The following PARP8 variants were observed in gnomAD, a reference collection of about 807,000 sequenced individuals.
The protein encoded by PARP8 is poly(ADP-ribose) polymerase family member 8.
A neutral mutation model predicts 124.1 loss-of-function variants in PARP8; 51 were observed. The observed-to-expected ratio is 0.41, with a 90% confidence interval of 0.33 to 0.52. PARP8 has a LOEUF of 0.52. Among genes scored for constraint, PARP8 ranks in the 20% least tolerant of loss-of-function variants. PARP8 has a pLI of 0.21. For missense variants in PARP8, 860 were observed against 1,018.9 expected (o/e 0.84, Z 2.12); for synonymous variants, 391 against 361.5 (o/e 1.08, Z -0.93).
chr5:50,735,982 G>C (rs1158401251), intron 2 of PARP8, among the ~76,000 whole-genome samples: 1 of 135,432 alleles, frequency 7.4e-6, no homozygotes, highest in Non-Finnish European at 1.5e-5. Flanking sequence ...ATTAGTGAAT[G>C]TATTCTCATT....
In PARP8 at chr5:50,815,514, C is replaced by G. The variant is rs761028933; in HGVS notation, c.1658C>G (p.Thr553Ser). ...VMNEAADEIA[T>S]GAQVVDLLVS... ...AATGAAGCTGCTGATGAAATAGCAACTGGAGCTCAGGTAGTAACACAGGAT... is the reference window on the plus strand; with the variant it reads ...AATGAAGCTGCTGATGAAATAGCAAGTGGAGCTCAGGTAGTAACACAGGAT... The change falls in exon 15 of 26, where the codon ACT becomes AGT. Residue 553 changes from threonine to serine, a missense_variant. By Grantham distance (58) the Thr-to-Ser change is moderately conservative (BLOSUM62 1). This residue lies in a region of PARP8 where 343 missense variants were observed against 474.7 expected (regional missense o/e 0.72). Coordinates refer to ENST00000281631, the MANE Select transcript of PARP8 (RefSeq NM_024615.4). The G allele has an allele frequency of 6.3e-7, 1 of 1,591,796 alleles. No individual in the cohort carries two copies. Among genetic ancestry groups the G allele is most frequent in the Admixed American group, 1.8e-5 (1 of 56,282 alleles).
chr5:50,831,263 A>G (rs1237266425), intron 22 of PARP8, among the ~76,000 whole-genome samples: 1 of 152,182 alleles, frequency 6.6e-6, no homozygotes, highest in African/African-American at 2.4e-5. Flanking sequence ...GCAAAATAAC[A>G]GCTTCATTAC....
At chr5:50,694,518 A>C (rs991071096) in intron 2 of PARP8, among the ~76,000 whole-genome samples, 1 of 152,204 alleles carries the variant, frequency 6.6e-6, no homozygotes, top group Admixed American at 6.6e-5. Flanking sequence ...AAAGGGTTTC[A>C]GCCCTGCTTT....
chr5:50,711,145 C>T (rs1168856933), intron 2 of PARP8, among the ~76,000 whole-genome samples: 3 of 152,124 alleles, frequency 2.0e-5, no homozygotes, highest in Non-Finnish European at 2.9e-5. Context: ...AAACTTTCCT[C>T]TCTCGTTTTA....
At chr5:50,790,102 GA>G (rs1218857344) in intron 10 of PARP8, among the ~76,000 whole-genome samples, 1 of 151,920 alleles carries the variant, frequency 6.6e-6, no homozygotes, top group South Asian at 2.1e-4. Context: ...CATTTGAAAG[GA>G]AAAAACATTC....
chr5:50,734,695 C>T (rs1426286081), intron 2 of PARP8, among the ~76,000 whole-genome samples: 8 of 152,056 alleles, frequency 5.3e-5, no homozygotes, highest in Admixed American at 1.3e-4. Flanking sequence ...TTAGTGCTCT[C>T]TCTTGCTGTC....
chr5:50,685,868 G>A (rs1579950431), intron 2 of PARP8, among the ~76,000 whole-genome samples: 1 of 152,152 alleles, frequency 6.6e-6, no homozygotes, highest in Non-Finnish European at 1.5e-5. Flanking sequence ...ACTCTCACAA[G>A]AACAGCATGG....
At chr5:50,819,734 T>C (rs2149698513) in intron 15 of PARP8, among the ~76,000 whole-genome samples, 1 of 152,236 alleles carries the variant, frequency 6.6e-6, no homozygotes, top group African/African-American at 2.4e-5. Flanking sequence ...CGTGAGCCAC[T>C]GCGCCCAACA....
At chr5:50,821,057 G>T (rs1339888051) in intron 15 of PARP8, among the ~76,000 whole-genome samples, 156 bp from the exon 16 acceptor site, 1 of 152,204 alleles carries the variant, frequency 6.6e-6, no homozygotes, top group Non-Finnish European at 1.5e-5. Flanking sequence ...GTAAAGTTTG[G>T]TCAAATGTGG....
At chr5:50,821,394 T>C in intron 16 of PARP8, 56 bp downstream of exon 16, 1 of 1,583,240 alleles carries the variant, frequency 6.3e-7, no homozygotes, top group Non-Finnish European at 8.7e-7. Flanking sequence ...ATAACAACAA[T>C]ATTGAGATTG....
intron 2 of PARP8, among the ~76,000 whole-genome samples, chr5:50,746,838 G>A (rs1261395611): frequency 1.3e-5 from 2 of 152,194 alleles, no homozygotes; most frequent in Middle Eastern, 3.4e-3. Flanking sequence ...ATCAGCCTGG[G>A]CAATATAACA....
intron 11 of PARP8, 111 bp downstream of exon 11, chr5:50,794,443 C>A (rs1219547943): frequency 1.6e-5 from 20 of 1,275,632 alleles, no homozygotes; most frequent in Non-Finnish European, 2.1e-6. Context: ...TTCTTTATAA[C>A]CTCTAAGAAA....
chr5:50,748,485 C>T (rs535282951), intron 2 of PARP8, among the ~76,000 whole-genome samples: 1 of 152,264 alleles, frequency 6.6e-6, no homozygotes, highest in South Asian at 2.1e-4. Context: ...ATTCTTTTGA[C>T]TTTCCGTCTG....
chr5:50,789,609 C>T (rs1452365567), intron 10 of PARP8, among the ~76,000 whole-genome samples: 1 of 152,172 alleles, frequency 6.6e-6, no homozygotes, highest in Admixed American at 6.5e-5. Flanking sequence ...GCCATTTGAA[C>T]TGAATTTTAA....
intron 7 of PARP8, among the ~76,000 whole-genome samples, chr5:50,768,556 A>T (rs1322728396): frequency 3.3e-5 from 5 of 152,184 alleles, no homozygotes; most frequent in African/African-American, 1.2e-4. Flanking sequence ...AAAAATTTGA[A>T]TTCATCAATT....
At chr5:50,738,820 G>A (rs1641940456) in intron 2 of PARP8, among the ~76,000 whole-genome samples, 1 of 152,076 alleles carries the variant, frequency 6.6e-6, no homozygotes, top group South Asian at 2.1e-4. Context: ...ACTGCATGTG[G>A]GCCACGGCTT....
At chr5:50,698,412 A>C (rs573660081) in intron 2 of PARP8, among the ~76,000 whole-genome samples, 1 of 152,330 alleles carries the variant, frequency 6.6e-6, no homozygotes, top group South Asian at 2.1e-4. Context: ...TGAAATACTT[A>C]GGAATGAATT....
In PARP8 at chr5:50,797,039, G is replaced by A; in HGVS notation, c.1479+7G>A. ...CCGTGGCTTCCTGGTGCAGGTATGA[G>A]CCAAAACTCTATCCATTGTACAAAT... On this transcript the variant is annotated splice_region_variant and intron_variant, in intron 13 of 25. Coordinates refer to ENST00000281631, the MANE Select transcript of PARP8 (RefSeq NM_024615.4). The A allele has an allele frequency of 1.9e-6, 3 of 1,612,992 alleles. No homozygotes were observed. Among genetic ancestry groups the A allele is most frequent in the Non-Finnish European group, 2.5e-6 (3 of 1,179,294 alleles).
intron 4 of PARP8, among the ~76,000 whole-genome samples, chr5:50,759,970 A>G (rs1760380014): frequency 6.6e-6 from 1 of 152,190 alleles, no homozygotes; most frequent in Non-Finnish European, 1.5e-5. Flanking sequence ...TGCTGTTGTA[A>G]AAATATTTTC....
Sources: gnomAD v4.1 joint callset for allele counts (sites outside exome capture counted in the v4.1 genomes callset) on GRCh38, gnomAD v4.1.1 for gene constraint, gnomAD v4.1.1 regional missense constraint, MANE v1.5 for transcripts, NCBI Gene and HGNC (gene_info 2026-07-23, HGNC 2026-07-21) for gene names.